The following DCC variants were observed in gnomAD, a reference collection of about 807,000 sequenced individuals.
The protein encoded by DCC is DCC netrin 1 receptor.
In DCC, 58 loss-of-function variants were observed where a neutral mutation model predicts 172.5. That is an observed-to-expected ratio of 0.34 (90% CI 0.27 to 0.42). DCC has a LOEUF of 0.42. DCC is among the 10% of genes least tolerant of loss of function. The pLI is 1.00. For synonymous variants in DCC, 709 were observed against 644.5 expected (o/e 1.10, Z -1.52); for missense variants, 1,740 against 1,791.0 (o/e 0.97, Z 0.51).
chr18:53,057,543 C>T (rs747396280), intron 5 of DCC, among the ~76,000 whole-genome samples: 9 of 152,054 alleles, frequency 5.9e-5, no homozygotes, highest in Non-Finnish European at 1.2e-4. Context: ...AAACCCAGAT[C>T]TGATGGAAAT....
chr18:53,109,963 A>G (rs2144247629), intron 7 of DCC, among the ~76,000 whole-genome samples: 1 of 151,428 alleles, frequency 6.6e-6, no homozygotes, highest in African/African-American at 2.4e-5. Context: ...TTTTTCTGGG[A>G]AATAGTGCAT....
At chr18:52,978,505 T>C (rs564631539) in intron 5 of DCC, among the ~76,000 whole-genome samples, 1 of 152,300 alleles carries the variant, frequency 6.6e-6, no homozygotes, top group African/African-American at 2.4e-5. Context: ...GCTTTATGTG[T>C]ATTAAGTCAC....
At chr18:52,916,815 A>T (rs1287216963) in intron 3 of DCC, among the ~76,000 whole-genome samples, 1 of 152,138 alleles carries the variant, frequency 6.6e-6, no homozygotes, top group Non-Finnish European at 1.5e-5. Flanking sequence ...TTTCTATGTA[A>T]TTCGACCAAA....
chr18:52,586,655 G>A (rs1247014276), intron 1 of DCC, among the ~76,000 whole-genome samples: 2 of 152,128 alleles, frequency 1.3e-5, no homozygotes, highest in African/African-American at 4.8e-5. Flanking sequence ...TAGGGGTGAC[G>A]GTGAGTGGTG....
chr18:53,070,838 G>T (rs934554471), intron 7 of DCC, among the ~76,000 whole-genome samples: 6 of 152,102 alleles, frequency 3.9e-5, no homozygotes, highest in African/African-American at 1.4e-4. Flanking sequence ...GCTTTTTCCT[G>T]GCTATTTAAT....
At chr18:52,791,676 C>A (rs775625760) in intron 2 of DCC, among the ~76,000 whole-genome samples, 1 of 151,940 alleles carries the variant, frequency 6.6e-6, no homozygotes, top group Non-Finnish European at 1.5e-5. Context: ...AAAAATGTAT[C>A]TCAGGAGAGA....
chr18:53,498,918 C>A (rs981665811), intron 26 of DCC, among the ~76,000 whole-genome samples: 2 of 152,162 alleles, frequency 1.3e-5, no homozygotes, highest in Non-Finnish European at 2.9e-5. Flanking sequence ...AATAATGCAG[C>A]TGTAACAGGG....
chr18:52,722,466 G>T (rs1222116069), intron 1 of DCC, among the ~76,000 whole-genome samples: 2 of 152,068 alleles, frequency 1.3e-5, no homozygotes, highest in African/African-American at 4.8e-5. Context: ...TCACTACTGA[G>T]TTAGAACATA....
chr18:53,036,433 C>T (rs1031953181), intron 5 of DCC, among the ~76,000 whole-genome samples: 2 of 152,022 alleles, frequency 1.3e-5, no homozygotes, highest in African/African-American at 4.8e-5. Flanking sequence ...ATTCAAATAC[C>T]TACCAGTTAC....
intron 1 of DCC, among the ~76,000 whole-genome samples, chr18:52,409,425 T>G (rs549108693): frequency 1.3e-5 from 2 of 152,160 alleles, no homozygotes; most frequent in Non-Finnish European, 2.9e-5. Flanking sequence ...GATATTCAAC[T>G]GTTTTTTCTT....
intron 7 of DCC, among the ~76,000 whole-genome samples, chr18:53,095,815 G>C (rs1206868139): frequency 7.4e-6 from 1 of 134,586 alleles, no homozygotes; most frequent in East Asian, 2.6e-4. Context: ...TTTTTGGAGG[G>C]TATGGGGTTT....
chr18:53,466,007 G>T (rs189416525), intron 24 of DCC, among the ~76,000 whole-genome samples: 3 of 151,886 alleles, frequency 2.0e-5, no homozygotes, highest in Admixed American at 2.0e-4. Context: ...CTCATGATCC[G>T]CCCACCTCAG....
At chr18:53,315,187 C>T (rs905853525) in intron 13 of DCC, among the ~76,000 whole-genome samples, 3 of 152,134 alleles carry the variant, frequency 2.0e-5, no homozygotes, top group African/African-American at 7.2e-5. Flanking sequence ...TTGTTCAACT[C>T]CCACTTATGA....
chr18:52,457,869 G>A (rs1407633406), intron 1 of DCC, among the ~76,000 whole-genome samples: 1 of 151,844 alleles, frequency 6.6e-6, no homozygotes, highest in Non-Finnish European at 1.5e-5. Context: ...CAAAGATCTT[G>A]CCCACCCCTG....
intron 5 of DCC, among the ~76,000 whole-genome samples, chr18:53,062,708 C>T (rs1250102548): frequency 1.3e-5 from 2 of 152,080 alleles, no homozygotes; most frequent in East Asian, 1.9e-4. Flanking sequence ...TATCACATGC[C>T]ATGCTGTGAA....
chr18:53,352,008 C>T (rs924534203), intron 15 of DCC, among the ~76,000 whole-genome samples: 6 of 151,890 alleles, frequency 4.0e-5, no homozygotes, highest in African/African-American at 1.4e-4. Flanking sequence ...TTGTAATAAA[C>T]AGTAAAGACT....
At chr18:53,364,195 T>C (rs2144939348) in intron 15 of DCC, among the ~76,000 whole-genome samples, 1 of 152,282 alleles carries the variant, frequency 6.6e-6, no homozygotes, top group African/African-American at 2.4e-5. Flanking sequence ...TGGGAGATCA[T>C]TGACACATAA....
chr18:52,923,626 G>A (rs2040156900), intron 3 of DCC, 81 bp from the exon 4 acceptor site: 3 of 1,143,704 alleles, frequency 2.6e-6, no homozygotes, highest in Admixed American at 1.8e-5. Context: ...TCCATCTTTT[G>A]TTAGGAAAAA....
chr18:53,306,221 A>G (rs1291629853), intron 13 of DCC, among the ~76,000 whole-genome samples: 1 of 152,234 alleles, frequency 6.6e-6, no homozygotes, highest in East Asian at 1.9e-4. Flanking sequence ...TTCAGAGTAG[A>G]TCAACCTTCT....
Sources: gnomAD v4.1 joint callset for allele counts (sites outside exome capture counted in the v4.1 genomes callset) on GRCh38, gnomAD v4.1.1 for gene constraint, MANE v1.5 for transcripts, NCBI Gene and HGNC (gene_info 2026-07-23, HGNC 2026-07-21) for gene names.